FANCC: variants seen among roughly 807,000 people sequenced by gnomAD.
The protein encoded by FANCC is Fanconi anemia group C protein.
FANCC carries 55 observed loss-of-function variants against 71.3 expected under a neutral mutation model. The observed-to-expected ratio is 0.77, with a 90% CI of 0.62 to 0.97. The LOEUF (loss-of-function observed/expected upper bound fraction) is 0.97. Ranked by LOEUF, FANCC falls within the 50% of genes least tolerant of loss-of-function variation. The probability of loss-of-function intolerance (pLI) is 0.00; values close to 1 mark genes in which losing one functional copy is unlikely to be tolerated. For missense variants in FANCC, 678 were observed against 670.9 expected, an observed-to-expected ratio of 1.01 and a Z score of -0.12; for synonymous variants, 275 against 244.9, an observed-to-expected ratio of 1.12 and a Z score of -1.15.
chr9:95,105,668 A>C (rs1175761325), intron 14 of FANCC, among the ~76,000 whole-genome samples: 1 of 152,082 alleles, frequency 6.6e-6, no homozygotes, highest in African/African-American at 2.4e-5. Flanking sequence ...CTGCCTTGGG[A>C]AACTCTAGCA....
intron 1 of FANCC, among the ~76,000 whole-genome samples, chr9:95,264,631 A>G (rs1832276090): frequency 6.6e-6 from 1 of 152,134 alleles, no homozygotes; most frequent in South Asian, 2.1e-4. Flanking sequence ...TACCCTCAGC[A>G]TGAGGTCCTT....
chr9:95,225,417 GCTTCCCTTCAGACTGAGGCTGGGGCA>G (rs1564770620), intron 4 of FANCC, among the ~76,000 whole-genome samples: 2 of 152,140 alleles, frequency 1.3e-5, no homozygotes, highest in Admixed American at 1.3e-4. Context: ...CTAAAAATTC[GCTTCCCTTCAGACTGAGGCTGGGGCA>G]CAATAGGGGA....
At chr9:95,301,128 C>T (rs1479652645) in intron 1 of FANCC, among the ~76,000 whole-genome samples, 2 of 149,664 alleles carry the variant, frequency 1.3e-5, no homozygotes, top group East Asian at 3.9e-4. Flanking sequence ...GACCTAAAGG[C>T]TAAAATGATG....
At chr9:95,249,085 T>C (rs1432355765) in intron 2 of FANCC, 42 bp downstream of exon 2, 12 of 1,605,080 alleles carry the variant, frequency 7.5e-6, no homozygotes, top group Non-Finnish European at 8.5e-6. Context: ...GTAGAGTCCC[T>C]GAAGTCAGAA....
In FANCC at chr9:95,193,589, A is replaced by G. The variant is rs76267297; in HGVS notation, c.346-21442T>C. 3.4e-3 allele frequency among the ~76,000 whole-genome samples: 517 copies of G among 152,340 alleles called. 4 individuals carry two copies. Among genetic ancestry groups the G allele is most frequent in the African/African-American group, 0.012 (491 of 41,580 alleles). ...GCAGTAGCATGAGTTATGCTTTACA[A>G]AAATTGGGTTGGTAAGACTGTGCAA... On this transcript the variant is annotated intron_variant, in intron 4 of 14. Transcript: ENST00000289081.
At chr9:95,270,865 A>G (rs1832674750) in intron 1 of FANCC, among the ~76,000 whole-genome samples, 1 of 152,238 alleles carries the variant, frequency 6.6e-6, no homozygotes, top group African/African-American at 2.4e-5. Context: ...CAAAAATTTC[A>G]TAATCCTGCT....
chr9:95,185,522 C>T (rs1469263771), intron 4 of FANCC, among the ~76,000 whole-genome samples: 3 of 152,184 alleles, frequency 2.0e-5, no homozygotes, highest in Non-Finnish European at 4.4e-5. Context: ...AGTAAATTAA[C>T]CTAAGCAGTG....
chr9:95,110,721 TTAA>T (rs1564646315), intron 13 of FANCC: 2 of 1,065,626 alleles, frequency 1.9e-6, no homozygotes, highest in African/African-American at 1.6e-5. Context: ...CTTGTCCTCT[TTAA>T]CTACTAAGAT....
At chr9:95,105,451 AAAAT>A (rs1399423754) in intron 14 of FANCC, among the ~76,000 whole-genome samples, 1 of 152,236 alleles carries the variant, frequency 6.6e-6, no homozygotes, top group Non-Finnish European at 1.5e-5. Context: ...AATAAAATAA[AAAAT>A]AAAACAAAAC....
intron 4 of FANCC, among the ~76,000 whole-genome samples, chr9:95,225,774 A>C (rs1449014501): frequency 6.6e-6 from 1 of 152,216 alleles, no homozygotes; most frequent in African/African-American, 2.4e-5. Context: ...CAAAACTTCC[A>C]AACAAAATTA....
chr9:95,189,749 A>G (rs1343568931), intron 4 of FANCC, among the ~76,000 whole-genome samples: 1 of 152,182 alleles, frequency 6.6e-6, no homozygotes, highest in African/African-American at 2.4e-5. Flanking sequence ...CCCTTTGAAA[A>G]CACCCTCATC....
Position 95,257,336 on chromosome 9 carries a change from A to G in FANCC, c.-78-7967T>C, listed in dbSNP as rs571859612. ...AGAACGGAAATCATAACAGTCTCTC[A>G]GATCACAGTGCAATCAAATTAGAAC... On this transcript the variant is annotated intron_variant, in intron 1 of 14. Transcript: ENST00000289081. Among the ~76,000 whole-genome samples, 4 of 152,346 alleles carry G rather than the reference A, an allele frequency of 2.6e-5. No individual in the cohort carries two copies. In the East Asian group the frequency reaches 7.7e-4, roughly 29 times the overall value.
At position 95,198,190 on chromosome 9, in the gene FANCC, T is replaced by C. The variant is rs78691167; in HGVS notation, c.346-26043A>G. Reference sequence around the variant, plus strand: ...AAATGCTACCACAATTCACTGTCTTTAGCTTGGGACTTAGGTGGGAAAGGG... The same window carrying C: ...AAATGCTACCACAATTCACTGTCTTCAGCTTGGGACTTAGGTGGGAAAGGG... On this transcript the variant is annotated intron_variant, in intron 4 of 14. Coordinates refer to ENST00000289081, the MANE Select transcript of FANCC (RefSeq NM_000136.3). Among the ~76,000 whole-genome samples the C allele has an allele frequency of 3.3e-3, 500 of 152,278 alleles. 9 individuals carry two copies. In the East Asian group the frequency reaches 0.043, roughly 13 times the overall value.
intron 6 of FANCC, among the ~76,000 whole-genome samples, chr9:95,154,011 C>T (rs775640446): frequency 2.6e-5 from 4 of 151,678 alleles, no homozygotes; most frequent in Non-Finnish European, 5.9e-5. Context: ...TTTGGGAGGC[C>T]GAGGAGGGCA....
At chr9:95,272,345 C>T (rs964133340) in intron 1 of FANCC, among the ~76,000 whole-genome samples, 1 of 152,022 alleles carries the variant, frequency 6.6e-6, no homozygotes, top group East Asian at 1.9e-4. Flanking sequence ...GTTTTCATTG[C>T]TCAATGATAT....
rs142175362 is a variant in FANCC, at chr9:95,227,289, C to T, written c.345+13360G>A. 2.8e-3 allele frequency among the ~76,000 whole-genome samples: 421 copies of T among 152,324 alleles called. 3 individuals carry two copies. The highest frequency in any genetic ancestry group is 0.017 in the Middle Eastern group (5 of 294). On this transcript the variant is annotated intron_variant, in intron 4 of 14. Transcript: ENST00000289081. ...AGAAAGGATGCGTCCTGGCCTACTG[C>T]TGCACCATACTGGGCCAGGCAGGCT...
At chr9:95,251,379 G>A (rs1035143213) in intron 1 of FANCC, among the ~76,000 whole-genome samples, 4 of 151,930 alleles carry the variant, frequency 2.6e-5, no homozygotes, top group South Asian at 2.1e-4. Flanking sequence ...TAAGTGGTGC[G>A]ATGTTGGTTC....
At chr9:95,137,476 C>T (rs968852468) in intron 7 of FANCC, among the ~76,000 whole-genome samples, 3 of 152,096 alleles carry the variant, frequency 2.0e-5, no homozygotes, top group Non-Finnish European at 4.4e-5. Context: ...AGGCCCCGTT[C>T]CTCATCTCCC....
intron 7 of FANCC, among the ~76,000 whole-genome samples, chr9:95,138,026 G>A (rs1428339566): frequency 1.3e-5 from 2 of 152,250 alleles, no homozygotes; most frequent in African/African-American, 2.4e-5. Flanking sequence ...GGCTGCCAAC[G>A]GGCAAGGCGC....
Sources: allele counts gnomAD v4.1 joint callset (sites outside exome capture counted in the v4.1 genomes callset), GRCh38; gene constraint gnomAD v4.1.1; transcripts MANE v1.5; gene names NCBI Gene and HGNC (gene_info 2026-07-23, HGNC 2026-07-21).